Variants in MIPOL1 observed in about 807,000 individuals in gnomAD.
MIPOL1 encodes the protein mirror-image polydactyly gene 1 protein.
A neutral mutation model predicts 60.9 loss-of-function variants in MIPOL1; 57 were observed. That is an observed-to-expected ratio of 0.94 (90% CI 0.76 to 1.17). The LOEUF (loss-of-function observed/expected upper bound fraction) is 1.17. Among genes scored for constraint, MIPOL1 ranks in the 50% most tolerant of loss-of-function variants. The pLI is 0.00. For synonymous variants in MIPOL1, 179 were observed against 168.8 expected (o/e 1.06, Z -0.47); for missense variants, 551 against 511.6 (o/e 1.08, Z -0.74).
chr14:37,237,045 T>C (rs1009052175), intron 1 of MIPOL1, among the ~76,000 whole-genome samples: 8 of 152,082 alleles, frequency 5.3e-5, no homozygotes, highest in African/African-American at 1.9e-4. Flanking sequence ...CACGTGTTAA[T>C]TTCCCAGAAA....
chr14:37,390,276 C>T (rs1056994889), intron 10 of MIPOL1, among the ~76,000 whole-genome samples: 2 of 151,860 alleles, frequency 1.3e-5, no homozygotes, highest in African/African-American at 4.8e-5. Flanking sequence ...CCATATTCTG[C>T]AGTTCTTAAT....
chr14:37,449,176 A>G (rs1056425817), intron 11 of MIPOL1, among the ~76,000 whole-genome samples: 13 of 152,184 alleles, frequency 8.5e-5, no homozygotes, highest in Admixed American at 4.6e-4. Flanking sequence ...AGTCATTTCT[A>G]AGAATCAATA....
At chr14:37,223,890 G>A (rs1021356791) in intron 1 of MIPOL1, among the ~76,000 whole-genome samples, 7 of 152,158 alleles carry the variant, frequency 4.6e-5, no homozygotes, top group African/African-American at 1.7e-4. Flanking sequence ...TTTAATTTAG[G>A]AGAGGCTGGT....
At chr14:37,225,929 ATC>A (rs1235006058) in intron 1 of MIPOL1, among the ~76,000 whole-genome samples, 1 of 152,046 alleles carries the variant, frequency 6.6e-6, no homozygotes, top group African/African-American at 2.4e-5. Flanking sequence ...ACCCTAAATC[ATC>A]TCTCTCAAGT....
intron 9 of MIPOL1, among the ~76,000 whole-genome samples, chr14:37,310,816 GTGTT>G (rs2087254927): frequency 6.6e-6 from 1 of 152,124 alleles, no homozygotes; most frequent in Non-Finnish European, 1.5e-5. Flanking sequence ...ATTCTAGTGT[GTGTT>G]TGTTTCCTTA....
At chr14:37,477,676 G>A (rs926409842) in intron 11 of MIPOL1, among the ~76,000 whole-genome samples, 11 of 152,114 alleles carry the variant, frequency 7.2e-5, no homozygotes, top group South Asian at 2.1e-4. Context: ...TCAAAATGCA[G>A]GGACACAACA....
chr14:37,481,228 A>G (rs1377142448), intron 11 of MIPOL1, among the ~76,000 whole-genome samples: 1 of 152,154 alleles, frequency 6.6e-6, no homozygotes, highest in Non-Finnish European at 1.5e-5. Flanking sequence ...TGCACTAACA[A>G]CAAACTATCT....
chr14:37,471,268 A>G (rs2094685265), intron 11 of MIPOL1, among the ~76,000 whole-genome samples: 1 of 152,236 alleles, frequency 6.6e-6, no homozygotes, highest in Admixed American at 6.5e-5. Context: ...ATCTTTTAGA[A>G]TAAACAGGAA....
rs1467019457 is a variant in MIPOL1 at position 37,209,831 on chromosome 14, G to T, written c.-199+11727G>T. The stretch of plus-strand genomic sequence containing the variant: ...CAATCCTCCCACCTCAGCCTCCCAG[G>T]TAGCTGGGACTACAAGTGTGCCACC... On this transcript the variant is annotated intron_variant, in intron 1 of 12. Transcript: ENST00000684589. 2.6e-5 allele frequency among the ~76,000 whole-genome samples: 4 copies of T among 151,784 alleles called. No homozygotes were observed. The East Asian group carries it at 5.9e-4, about 22-fold the overall frequency.
At chr14:37,524,195 G>A (rs1052546382) in intron 12 of MIPOL1, among the ~76,000 whole-genome samples, 3 of 152,162 alleles carry the variant, frequency 2.0e-5, no homozygotes, top group African/African-American at 7.2e-5. Context: ...GACTAACACT[G>A]ACTGCTATGT....
chr14:37,406,607 T>A (rs1352649937), intron 10 of MIPOL1, among the ~76,000 whole-genome samples: 1 of 152,138 alleles, frequency 6.6e-6, no homozygotes, highest in Non-Finnish European at 1.5e-5. Flanking sequence ...TATCATGCCA[T>A]GAAAAAGGAG....
intron 1 of MIPOL1, among the ~76,000 whole-genome samples, chr14:37,210,201 C>A (rs528852722): frequency 6.6e-6 from 1 of 151,976 alleles, no homozygotes; most frequent in African/African-American, 2.4e-5. Context: ...AACTGGATAT[C>A]CCCCAATTCA....
intron 11 of MIPOL1, among the ~76,000 whole-genome samples, chr14:37,469,170 A>T (rs1249205255): frequency 1.3e-5 from 2 of 152,146 alleles, no homozygotes; most frequent in African/African-American, 2.4e-5. Context: ...GGTAATTTAT[A>T]AAAAAAGGAG....
intron 9 of MIPOL1, among the ~76,000 whole-genome samples, chr14:37,350,433 A>T: frequency 6.8e-6 from 1 of 147,134 alleles, no homozygotes. Context: ...TTTTTACTTT[A>T]TGTATTTAAC....
At chr14:37,468,714 G>T (rs1268178394) in intron 11 of MIPOL1, among the ~76,000 whole-genome samples, 1 of 152,200 alleles carries the variant, frequency 6.6e-6, no homozygotes, top group Non-Finnish European at 1.5e-5. Context: ...TTCTCATGGG[G>T]TTTACTCTTT....
At chr14:37,372,548 G>C (rs775637196) in intron 10 of MIPOL1, among the ~76,000 whole-genome samples, 1 of 151,980 alleles carries the variant, frequency 6.6e-6, no homozygotes, top group Non-Finnish European at 1.5e-5. Context: ...GGGGTCAAGA[G>C]TTCTACATCA....
rs139065024 is a variant in MIPOL1 at position 37,470,687 on chromosome 14, T to G, written c.1032-29221T>G. The stretch of plus-strand genomic sequence containing the variant: ...TTATAGTAACGTGATAACAGACTAA[T>G]ACACCGTCAGCGTGGGTTGCAATCA... On this transcript the variant is annotated intron_variant, in intron 11 of 12. Transcript: ENST00000684589. 4.6e-3 allele frequency among the ~76,000 whole-genome samples: 704 copies of G among 152,204 alleles called. 2 individuals are homozygous for G. Among genetic ancestry groups the G allele is most frequent in the Admixed American group, 9.3e-3 (142 of 15,294 alleles).
intron 1 of MIPOL1, among the ~76,000 whole-genome samples, chr14:37,220,744 A>C (rs1308181776): frequency 2.0e-5 from 3 of 152,092 alleles, no homozygotes; most frequent in African/African-American, 7.2e-5. Context: ...TTTTCATCTT[A>C]TTTTAAATTA....
At chr14:37,473,799 T>C (rs1277565999) in intron 11 of MIPOL1, among the ~76,000 whole-genome samples, 1 of 152,198 alleles carries the variant, frequency 6.6e-6, no homozygotes, top group Non-Finnish European at 1.5e-5. Context: ...TTCTATGGCT[T>C]TGAAAAATGC....
Sources: allele counts gnomAD v4.1 joint callset (sites outside exome capture counted in the v4.1 genomes callset), GRCh38; gene constraint gnomAD v4.1.1; transcripts MANE v1.5; gene names NCBI Gene and HGNC (gene_info 2026-07-23, HGNC 2026-07-21).